Variants in KMO observed in about 807,000 individuals in gnomAD.
The protein encoded by KMO is kynurenine 3-monooxygenase, also known as kynurenine 3-hydroxylase.
Under a neutral mutation model 57.8 loss-of-function variants are expected in KMO, and 24 were observed. That is an observed-to-expected ratio of 0.42 (90% CI 0.30 to 0.58). The LOEUF (loss-of-function observed/expected upper bound fraction) is 0.58. Among genes scored for constraint, KMO ranks in the 20% least tolerant of loss-of-function variants. The pLI, the probability that KMO is intolerant of heterozygous loss-of-function variation, is 0.22. For synonymous variants in KMO, 210 were observed against 193.6 expected (o/e 1.08, Z -0.70); for missense variants, 483 against 588.2 (o/e 0.82, Z 1.85).
At position 241,592,304 on chromosome 1, in the gene KMO, T is replaced by C; in HGVS notation, c.*151T>C. Reference sequence around the variant, plus strand: ...ATGTAGAGTATCTCTGTATGTTAATTGCAATTACTGGTTGGGGGGTGCATT... The same window carrying C: ...ATGTAGAGTATCTCTGTATGTTAATCGCAATTACTGGTTGGGGGGTGCATT... On this transcript the variant is annotated 3_prime_UTR_variant, in exon 15 of 15. Transcript: ENST00000366559. 1.6e-6 allele frequency: 1 copy of C among 636,388 alleles called. No individual in the cohort carries two copies. Among genetic ancestry groups the C allele is most frequent in the Admixed American group, 2.8e-5 (1 of 35,414 alleles). 39.4% of individuals were successfully genotyped at this position (636,388 alleles called of 1,614,324 possible). A position where few individuals can be genotyped will look rare whatever the true frequency, so the allele number is the denominator to read the frequency against.
rs1187100416 is a variant in KMO, at chr1:241,592,143, T to A, written c.1451T>A (p.Ile484Asn). ...VDSLEQISNL[I>N]SR Reference sequence around the variant, plus strand: ...TCCCTAGAACAAATTTCCAATCTCATTAGCAGGTGATAGAAAGGTTTTGTG... The same window carrying A: ...TCCCTAGAACAAATTTCCAATCTCAATAGCAGGTGATAGAAAGGTTTTGTG... Residue 484 changes from isoleucine (I) to asparagine (N), a missense_variant, in exon 15 of 15, where the codon ATT becomes AAT. This residue lies in a region of KMO where 410 missense variants were observed against 492.3 expected (regional missense o/e 0.83). Coordinates refer to ENST00000366559, the MANE Select transcript of KMO (RefSeq NM_003679.5). 3 of 1,613,214 alleles carry A rather than the reference T, an allele frequency of 1.9e-6. No homozygotes were observed. The highest frequency in any genetic ancestry group is 2.5e-6 in the Non-Finnish European group (3 of 1,179,618).
At chr1:241,539,874 TGAGATTTTATCAAAA>T (rs1035725721) in intron 1 of KMO, among the ~76,000 whole-genome samples, 2 of 150,698 alleles carry the variant, frequency 1.3e-5, no homozygotes, top group African/African-American at 5.0e-5. Flanking sequence ...ATTTCATTAG[TGAGATTTTATCAAAA>T]GAAACGTGTA....
In KMO at chr1:241,586,749, A is replaced by G; in HGVS notation, c.1015+13A>G. The G allele has an allele frequency of 6.3e-7, 1 of 1,578,008 alleles. No individual in the cohort carries two copies. The highest frequency in any genetic ancestry group is 8.6e-7 in the Non-Finnish European group (1 of 1,156,718). On this transcript the variant is annotated intron_variant, in intron 11 of 14. Coordinates refer to ENST00000366559, the MANE Select transcript of KMO (RefSeq NM_003679.5). ...AGTAACGACCTTAGTAAGTAAGGTC[A>G]ATTTCTCAACTGGACATGTACTAGC...
At chr1:241,588,886 G>A (rs1663131829) in intron 12 of KMO, 56 bp downstream of exon 12, 2 of 1,304,230 alleles carry the variant, frequency 1.5e-6, no homozygotes, top group African/African-American at 2.9e-5. Flanking sequence ...ATTCTAACAA[G>A]TGTTCTTTTC....
At chr1:241,567,757 C>G (rs1450722166) in intron 9 of KMO, among the ~76,000 whole-genome samples, 3 of 152,160 alleles carry the variant, frequency 2.0e-5, no homozygotes, top group African/African-American at 7.2e-5. Context: ...CTATGGATCC[C>G]ACCTTCTCCA....
At chr1:241,550,675 C>T (rs897192136) in intron 3 of KMO, among the ~76,000 whole-genome samples, 5 of 152,080 alleles carry the variant, frequency 3.3e-5, no homozygotes, top group Admixed American at 2.6e-4. Context: ...ATCACTTAAC[C>T]TCTGTAACAA....
chr1:241,578,640 G>A (rs1558427990), intron 10 of KMO, among the ~76,000 whole-genome samples: 1 of 152,118 alleles, frequency 6.6e-6, no homozygotes, highest in Non-Finnish European at 1.5e-5. Flanking sequence ...GCTATAAATA[G>A]GCTTAGTGTG....
chr1:241,591,915 T>C, intron 14 of KMO, 38 bp from the exon 15 acceptor site: 1 of 1,540,462 alleles, frequency 6.5e-7, no homozygotes, highest in Non-Finnish European at 9.0e-7. Flanking sequence ...GATTTTAATC[T>C]CTGGACAAAT....
At chr1:241,574,663 G>GT (rs1558426432) in intron 10 of KMO, among the ~76,000 whole-genome samples, 1 of 151,902 alleles carries the variant, frequency 6.6e-6, no homozygotes, top group African/African-American at 2.4e-5. Flanking sequence ...GTTGGATTTG[G>GT]TTAGCTAGTA....
At chr1:241,565,102 T>A in intron 8 of KMO, 44 bp downstream of exon 8, 1 of 1,090,908 alleles carries the variant, frequency 9.2e-7, no homozygotes, top group Non-Finnish European at 1.4e-6. Context: ...CATTTGTAAT[T>A]AATGTTGTTT....
intron 10 of KMO, 115 bp from the exon 11 acceptor site, chr1:241,586,564 G>C (rs1182557587): frequency 3.9e-6 from 3 of 760,000 alleles, no homozygotes; most frequent in African/African-American, 3.5e-5. Context: ...TACTAGTTGA[G>C]AATAAACAGT....
intron 9 of KMO, among the ~76,000 whole-genome samples, 198 bp from the exon 10 acceptor site, chr1:241,568,302 G>A (rs952510846): frequency 1.3e-5 from 2 of 152,070 alleles, no homozygotes; most frequent in African/African-American, 4.8e-5. Context: ...GATTAACATT[G>A]TTGCAGACCA....
intron 1 of KMO, among the ~76,000 whole-genome samples, chr1:241,541,374 G>A (rs1341289125): frequency 1.3e-5 from 2 of 152,154 alleles, no homozygotes; most frequent in Non-Finnish European, 1.5e-5. Flanking sequence ...AAATATATAA[G>A]GAGGAAGAAA....
At chr1:241,573,728 T>C (rs1050088792) in intron 10 of KMO, among the ~76,000 whole-genome samples, 1 of 152,142 alleles carries the variant, frequency 6.6e-6, no homozygotes, top group Non-Finnish European at 1.5e-5. Context: ...AGATTTGTTC[T>C]TTTTGCTATT....
chr1:241,552,157 TGTGA>T (rs1473480466), intron 4 of KMO, among the ~76,000 whole-genome samples: 2 of 129,104 alleles, frequency 1.5e-5, no homozygotes, highest in Non-Finnish European at 3.3e-5. Context: ...TCTGTGTGTG[TGTGA>T]GTGTGAGTGT....
At position 241,585,954 on chromosome 1, in the gene KMO, A is replaced by T. The variant is rs936020046; in HGVS notation, c.958-725A>T. ...CTTGAGTTATAGGAACTAAATTAAT[A>T]AGTAGTTTTATCCTATCATTAAATT... On this transcript the variant is annotated intron_variant, in intron 10 of 14. Transcript: ENST00000366559. Among the ~76,000 whole-genome samples the T allele has an allele frequency of 5.3e-5, 8 of 151,956 alleles. 1 individual carries two copies. Among genetic ancestry groups the T allele is most frequent in the African/African-American group, 1.9e-4 (8 of 41,428 alleles).
intron 1 of KMO, among the ~76,000 whole-genome samples, chr1:241,548,490 G>A (rs1209514043): frequency 1.3e-5 from 2 of 151,652 alleles, no homozygotes; most frequent in Non-Finnish European, 2.9e-5. Context: ...TGGTTATAAG[G>A]GATATAAGGC....
Position 241,594,826 on chromosome 1 carries a change from G to A in KMO, c.*2673G>A. The A allele has an allele frequency of 2.2e-6, 2 of 915,846 alleles. No homozygotes were observed. The highest frequency in any genetic ancestry group is 3.3e-6 in the Non-Finnish European group (2 of 611,384). The allele number at this position is 915,846 out of a possible 1,614,324, so 56.7% of individuals were successfully genotyped here. Reference sequence around the variant, plus strand: ...GCAGGTGTGGATGTGGGGTTATGTGGTCATGCTCAGATCTACCTAAATCAC... The same window carrying A: ...GCAGGTGTGGATGTGGGGTTATGTGATCATGCTCAGATCTACCTAAATCAC... On this transcript the variant is annotated 3_prime_UTR_variant, in exon 15 of 15. Transcript: ENST00000366559.
At position 241,562,220 on chromosome 1, in the gene KMO, G is replaced by C; in HGVS notation, c.503G>C (p.Gly168Ala). The change falls in exon 7 of 15, where the codon GGA becomes GCA. Residue 168 changes from glycine (G) to alanine (A), a missense_variant. By Grantham distance (60) the Gly-to-Ala change is moderately conservative (BLOSUM62 0). Around this residue, in one of 3 missense-constraint regions of KMO, gnomAD observed 410 missense variants for 492.3 expected, o/e 0.83. Coordinates refer to ENST00000366559, the MANE Select transcript of KMO (RefSeq NM_003679.5). Reference protein sequence around the residue: ...VTCDLIVGCDGAYSTVRSHLM... With the variant: ...VTCDLIVGCDAAYSTVRSHLM... ...TGTGACCTCATTGTAGGATGTGATG[G>C]AGCCTATTCAACTGTCAGATCTCAC... 1 of 1,614,088 alleles carries C rather than the reference G, an allele frequency of 6.2e-7. No individual in the cohort carries two copies. Among genetic ancestry groups the C allele is most frequent in the Non-Finnish European group, 8.5e-7 (1 of 1,179,966 alleles).
Sources: gnomAD v4.1 joint callset for allele counts (sites outside exome capture counted in the v4.1 genomes callset) on GRCh38, gnomAD v4.1.1 for gene constraint, gnomAD v4.1.1 regional missense constraint, MANE v1.5 for transcripts, NCBI Gene and HGNC (gene_info 2026-07-23, HGNC 2026-07-21) for gene names.